The following PIWIL2 variants were observed in gnomAD, a reference collection of about 807,000 sequenced individuals.
PIWIL2 encodes piwi like RNA-mediated gene silencing 2, also known as piwi-like protein 2.
In PIWIL2, 81 loss-of-function variants were observed where a neutral mutation model predicts 116.5. The ratio of observed to expected loss-of-function variants is 0.70; its 90% confidence interval spans 0.58 to 0.84. The LOEUF is 0.84. Ranked by LOEUF, PIWIL2 falls within the 40% of genes least tolerant of loss-of-function variation. The pLI, the probability that PIWIL2 is intolerant of heterozygous loss-of-function variation, is 0.00. For synonymous variants in PIWIL2, 489 were observed against 429.5 expected (o/e 1.14, Z -1.71); for missense variants, 1,272 against 1,212.3 (o/e 1.05, Z -0.73).
Position 22,315,217 on chromosome 8 carries a change from T to C in PIWIL2, c.2208+72T>C, listed in dbSNP as rs1831429316. ...CAAGCTGTTTTCCTGTTTTTCCTTA[T>C]TCGTTATGCTTCCTCTTCTCAACAC... On this transcript the variant is annotated intron_variant, in intron 18 of 22. Coordinates refer to ENST00000356766, the MANE Select transcript of PIWIL2 (RefSeq NM_018068.5). 5 of 836,882 alleles carry C rather than the reference T, an allele frequency of 6.0e-6. No homozygotes were observed. In the East Asian group the frequency reaches 1.2e-4, roughly 20 times the overall value. The allele number at this position is 836,882 out of a possible 1,614,324, so 51.8% of individuals were successfully genotyped here. A position where few individuals can be genotyped will look rare whatever the true frequency, so the allele number is the denominator to read the frequency against.
intron 20 of PIWIL2, among the ~76,000 whole-genome samples, chr8:22,347,516 CTTTT>C (rs1218303089): frequency 1.0e-5 from 1 of 98,450 alleles, no homozygotes; most frequent in Admixed American, 1.3e-4. Flanking sequence ...TGTGCCTGGC[CTTTT>C]TTTTTTTTTT....
rs1275700777 is a variant in PIWIL2 at position 22,316,178 on chromosome 8, A to G, written c.2209-67A>G. 4 of 923,574 alleles carry G rather than the reference A, an allele frequency of 4.3e-6. No individual in the cohort carries two copies. In the African/African-American group the frequency reaches 4.9e-5, roughly 11 times the overall value. 57.2% of individuals were successfully genotyped at this position (923,574 alleles called of 1,614,324 possible). A position where few individuals can be genotyped will look rare whatever the true frequency, so the allele number is the denominator to read the frequency against. ...GAGGTTGCTTTGGGATTCAGACAGT[A>G]ATTAAAAATGGAGGAATGCATTGCT... On this transcript the variant is annotated intron_variant, in intron 18 of 22. Transcript: ENST00000356766.
rs575072845 is a variant in PIWIL2, at chr8:22,357,562, G to C, written c.*2057G>C. 6.6e-6 allele frequency: 1 copy of C among 152,162 alleles called. No homozygotes were observed. Among genetic ancestry groups the C allele is most frequent in the Admixed American group, 6.5e-5 (1 of 15,294 alleles). The allele number at this position is 152,162 out of a possible 1,614,324, so 9.4% of individuals were successfully genotyped here. A position where few individuals can be genotyped will look rare whatever the true frequency, so the allele number is the denominator to read the frequency against. ...TGGGGTGGGAAATAAAAACAACTTT[G>C]TATAAATTTGTAGTTGTGTTTGAAA... On this transcript the variant is annotated 3_prime_UTR_variant, in exon 23 of 23. Transcript: ENST00000356766.
In PIWIL2 at chr8:22,283,247, C is replaced by G. The variant is rs369752767; in HGVS notation, c.632+7C>G. ...CTGTGGAACACAAGGAAAAGTAAGT[C>G]AGGAGCACTGCCTTCTCTACTTAGT... On this transcript the variant is annotated splice_region_variant and intron_variant, in intron 5 of 22. Coordinates refer to ENST00000356766, the MANE Select transcript of PIWIL2 (RefSeq NM_018068.5). 6.2e-7 allele frequency: 1 copy of G among 1,600,634 alleles called. No homozygotes were observed. Among genetic ancestry groups the G allele is most frequent in the Admixed American group, 1.7e-5 (1 of 59,974 alleles).
Position 22,304,827 on chromosome 8 carries a change from C to T in PIWIL2, c.1414C>T (p.Leu472=), listed in dbSNP as rs1273942697. ...ITVKEEDQPL[L]IHRPSERQDN... ...AGTTAAGGAAGAGGACCAGCCATTG[C>T]TGATTCACAGGCCCAGTGAGAGACA... Residue 472 remains leucine, a synonymous_variant, in exon 12 of 23, where the codon CTG becomes TTG. Transcript: ENST00000356766. 2 of 1,613,236 alleles carry T rather than the reference C, an allele frequency of 1.2e-6. No homozygotes were observed. The highest frequency in any genetic ancestry group is 4.5e-5 in the East Asian group (2 of 44,890).
chr8:22,281,979 G>A (rs540913044), intron 4 of PIWIL2, among the ~76,000 whole-genome samples: 3 of 151,018 alleles, frequency 2.0e-5, no homozygotes, highest in Admixed American at 6.6e-5. Flanking sequence ...CACTGTGTTC[G>A]CCAGGCTGGT....
intron 20 of PIWIL2, among the ~76,000 whole-genome samples, chr8:22,341,214 A>G (rs1344526914): frequency 3.3e-5 from 5 of 152,050 alleles, no homozygotes; most frequent in African/African-American, 9.7e-5. Context: ...AGTTAATGCA[A>G]TCCATCCATC....
chr8:22,338,414 G>T (rs1434255871), intron 20 of PIWIL2, among the ~76,000 whole-genome samples: 7 of 152,312 alleles, frequency 4.6e-5, no homozygotes, highest in African/African-American at 1.2e-4. Context: ...TTAATGGCCA[G>T]GTGGGGTGGC....
In PIWIL2 at chr8:22,287,534, T is replaced by C. The variant is rs180791960; in HGVS notation, c.750T>C (p.Asn250=). ...VYQYHVTFSP[N]VECKSMRFGM... is the part of the protein sequence containing the mutation. ...CCTCTTCATTATTTTCCAGCCCCAATGTGGAGTGCAAAAGCATGAGGTTCG... is the reference window on the plus strand; with the variant it reads ...CCTCTTCATTATTTTCCAGCCCCAACGTGGAGTGCAAAAGCATGAGGTTCG... Residue 250 remains asparagine, a synonymous_variant, in exon 7 of 23, where the codon AAT becomes AAC. Transcript: ENST00000356766. 26 of 1,606,262 alleles carry C rather than the reference T, an allele frequency of 1.6e-5. No homozygotes were observed. Among genetic ancestry groups the C allele is most frequent in the Middle Eastern group, 1.6e-4 (1 of 6,072 alleles).
intron 12 of PIWIL2, among the ~76,000 whole-genome samples, 198 bp downstream of exon 12, chr8:22,305,066 G>A (rs1231391723): frequency 6.6e-6 from 1 of 152,142 alleles, no homozygotes; most frequent in South Asian, 2.1e-4. Flanking sequence ...AAGTCCCCAC[G>A]AGGCGGAACT....
At chr8:22,318,897 A>G (rs149133684) in intron 20 of PIWIL2, among the ~76,000 whole-genome samples, 1 of 152,262 alleles carries the variant, frequency 6.6e-6, no homozygotes, top group Non-Finnish European at 1.5e-5. Context: ...AGTTTCAGCA[A>G]TTAAAGCAGC....
At chr8:22,321,053 C>G (rs541072254) in intron 20 of PIWIL2, among the ~76,000 whole-genome samples, 3 of 152,280 alleles carry the variant, frequency 2.0e-5, no homozygotes, top group Admixed American at 1.3e-4. Context: ...GTTTTGGTCT[C>G]TGTTTCTTTA....
intron 13 of PIWIL2, among the ~76,000 whole-genome samples, chr8:22,306,691 A>G (rs554720730): frequency 1.3e-5 from 2 of 152,196 alleles, no homozygotes; most frequent in Non-Finnish European, 2.9e-5. Context: ...AGTTTTTGGT[A>G]ACATCATAAA....
chr8:22,312,241 G>A (rs1831350418), intron 16 of PIWIL2, among the ~76,000 whole-genome samples: 1 of 150,106 alleles, frequency 6.7e-6, no homozygotes, highest in Admixed American at 6.7e-5. Flanking sequence ...CTCCAACCTG[G>A]GCAACAGAGT....
intron 20 of PIWIL2, among the ~76,000 whole-genome samples, chr8:22,331,361 AT>A (rs976123679): frequency 2.4e-4 from 36 of 150,610 alleles, no homozygotes; most frequent in East Asian, 9.7e-4. Flanking sequence ...TTTAATTTCT[AT>A]TTTTTTTTGT....
At position 22,308,067 on chromosome 8, in the gene PIWIL2, A is replaced by G. The variant is rs1438223254; in HGVS notation, c.1680A>G (p.Val560=). The G allele has an allele frequency of 2.5e-6, 4 of 1,613,306 alleles. No homozygotes were observed. The highest frequency in any genetic ancestry group is 1.7e-4 in the Middle Eastern group (1 of 6,060). ...GGGGGCTCCGTCTGCAAAAGGATGT[A>G]CATAAGGTAAACCAAAAAACGTGAT... ...MRWGLRLQKD[V]HKIEGRVLPM... is the part of the protein sequence containing the mutation. Residue 560 remains valine, a synonymous_variant, in exon 14 of 23, where the codon GTA becomes GTG. Transcript: ENST00000356766.
chr8:22,282,917 A>T, intron 4 of PIWIL2, 117 bp from the exon 5 acceptor site: 1 of 797,218 alleles, frequency 1.3e-6, no homozygotes, highest in Non-Finnish European at 2.1e-6. Context: ...AGAGAATTTG[A>T]AACTTGGATC....
At chr8:22,314,905 C>A (rs535086231) in intron 17 of PIWIL2, 124 bp from the exon 18 acceptor site, 2 of 665,262 alleles carry the variant, frequency 3.0e-6, no homozygotes, top group Non-Finnish European at 5.5e-6. Flanking sequence ...ATTATTAATG[C>A]GAAATGTGTT....
At chr8:22,321,698 T>G (rs1378693239) in intron 20 of PIWIL2, 4 of 179,796 alleles carry the variant, frequency 2.2e-5, no homozygotes, top group African/African-American at 9.5e-5. Context: ...AGAGCCTGCC[T>G]CTAAAACAAA....
Sources: allele counts gnomAD v4.1 joint callset (sites outside exome capture counted in the v4.1 genomes callset), GRCh38; gene constraint gnomAD v4.1.1; transcripts MANE v1.5; gene names NCBI Gene and HGNC (gene_info 2026-07-23, HGNC 2026-07-21).